The following PCDHA11 variants were observed in gnomAD, a reference collection of about 807,000 sequenced individuals.
PCDHA11 encodes the protein protocadherin alpha 11.
PCDHA11 carries 61 observed loss-of-function variants against 70.3 expected under a neutral mutation model. The ratio of observed to expected loss-of-function variants is 0.87; its 90% CI spans 0.71 to 1.07. The LOEUF (loss-of-function observed/expected upper bound fraction) is 1.07. Among genes scored for constraint, PCDHA11 ranks in the 50% least tolerant of loss-of-function variants. PCDHA11 has a pLI of 0.00. For synonymous variants in PCDHA11, 633 were observed against 555.1 expected (o/e 1.14, Z -1.97); for missense variants, 1,324 against 1,237.5 (o/e 1.07, Z -1.05).
intron 1 of PCDHA11, chr5:140,876,605 A>G: frequency 1.2e-6 from 2 of 1,614,060 alleles, no homozygotes; most frequent in South Asian, 1.1e-5. Flanking sequence ...TCGGATCGTG[A>G]CTCTGGAGCC....
chr5:140,884,549 G>A (rs782470468), intron 1 of PCDHA11: 3 of 1,614,016 alleles, frequency 1.9e-6, no homozygotes, highest in African/African-American at 1.3e-5. Context: ...GGTGTGCTCT[G>A]GGGAGGGCCC....
intron 1 of PCDHA11, among the ~76,000 whole-genome samples, chr5:140,953,994 A>G (rs1464982369): frequency 6.6e-6 from 1 of 151,886 alleles, no homozygotes; most frequent in Non-Finnish European, 1.5e-5. Flanking sequence ...TTTCATGTGT[A>G]CTCATCATTC....
At position 140,870,584 on chromosome 5, in the gene PCDHA11, T is replaced by C. The variant is rs782563992; in HGVS notation, c.1481T>C (p.Val494Ala). The C allele has an allele frequency of 2.5e-6, 4 of 1,613,672 alleles. No homozygotes were observed. In the African/African-American group the frequency reaches 5.3e-5, roughly 22 times the overall value. The change falls in exon 1 of 4, where the codon GTG (valine) becomes GCG (alanine). Residue 494 changes from valine (V) to alanine (A), a missense_variant. Coordinates refer to ENST00000398640, the MANE Select transcript of PCDHA11 (RefSeq NM_018902.5). ...AACGCGCTGGTGTCCTACTCGCTGG[T>C]GGAGCGGCGGTTGGGCGACCGCGCG... ...QENALVSYSL[V>A]ERRLGDRALS... is the part of the protein sequence containing the mutation.
chr5:140,894,138 T>A (rs1224822611), intron 1 of PCDHA11, among the ~76,000 whole-genome samples: 2 of 152,112 alleles, frequency 1.3e-5, no homozygotes, highest in Non-Finnish European at 2.9e-5. Flanking sequence ...TTGAAATAAT[T>A]CCCTTCTATG....
Position 141,010,230 on chromosome 5 carries a change from C to T in PCDHA11, c.*293C>T. The T allele has an allele frequency of 1.3e-6, 2 of 1,551,936 alleles. No homozygotes were observed. Among genetic ancestry groups the T allele is most frequent in the African/African-American group, 1.4e-5 (1 of 73,162 alleles). Reference sequence around the variant, plus strand: ...GCAAAGGAGAGGCTTCCCAGCCCCGCCAGTGAGAGGTTGGACTCTCTGCCC... The same window carrying T: ...GCAAAGGAGAGGCTTCCCAGCCCCGTCAGTGAGAGGTTGGACTCTCTGCCC... On this transcript the variant is annotated 3_prime_UTR_variant, in exon 4 of 4. Transcript: ENST00000398640.
chr5:140,934,004 T>G (rs556218652), intron 1 of PCDHA11, among the ~76,000 whole-genome samples: 1 of 152,204 alleles, frequency 6.6e-6, no homozygotes, highest in Non-Finnish European at 1.5e-5. Flanking sequence ...CCTCTCATTT[T>G]TCTTGACTAG....
intron 1 of PCDHA11, among the ~76,000 whole-genome samples, chr5:140,949,674 C>G (rs2153687219): frequency 6.6e-6 from 1 of 151,738 alleles, no homozygotes; most frequent in South Asian, 2.1e-4. Context: ...AAAGTATGCC[C>G]TTGTTGAAGC....
intron 1 of PCDHA11, among the ~76,000 whole-genome samples, chr5:140,935,686 C>T (rs943427521): frequency 3.3e-5 from 5 of 152,108 alleles, no homozygotes; most frequent in Non-Finnish European, 7.4e-5. Flanking sequence ...ATTTACATGG[C>T]TCCAAAATAA....
rs1587841717 is a variant in PCDHA11, at chr5:140,999,568, GA to G, written c.2540-10058del. On this transcript the variant is annotated intron_variant, in intron 3 of 3. Transcript: ENST00000398640. ...ATGAAGAGGGGGTATTTTGAGAAGA[GA>G]CTATAAAGGGAAATTGCCTTCCCTA... Among the ~76,000 whole-genome samples the G allele has an allele frequency of 2.0e-5, 3 of 152,084 alleles. No homozygotes were observed. In the South Asian group the frequency reaches 6.2e-4, roughly 32 times the overall value.
rs543216216 is a variant in PCDHA11, at chr5:140,917,329, G to A, written c.2391+45835G>A. 1.4e-4 allele frequency among the ~76,000 whole-genome samples: 20 copies of A among 144,014 alleles called. 2 individuals are homozygous for A. In the South Asian group the frequency reaches 2.0e-3, roughly 14 times the overall value. The allele number at this position is 144,014 out of a possible 152,430, so 94.5% of individuals were successfully genotyped here. ...ACAATTTGGTGTTCATGTGGCGGGG[G>A]AGGGGGGGGATGGTGTAGGCTTCTG... is the stretch of plus-strand genomic sequence containing the variant. On this transcript the variant is annotated intron_variant, in intron 1 of 3. Coordinates refer to ENST00000398640, the MANE Select transcript of PCDHA11 (RefSeq NM_018902.5).
intron 1 of PCDHA11, chr5:140,927,477 G>A: frequency 6.2e-7 from 1 of 1,614,118 alleles, no homozygotes; most frequent in Non-Finnish European, 8.5e-7. Flanking sequence ...ATCGCGAACA[G>A]CGCGCCACCC....
At chr5:140,978,770 A>G in intron 1 of PCDHA11, 179 bp from the exon 2 acceptor site, 3 of 956,466 alleles carry the variant, frequency 3.1e-6, no homozygotes, top group Non-Finnish European at 2.5e-6. Context: ...CTGATGAACT[A>G]ATTTTCTTCT....
At chr5:140,961,617 C>A (rs781986571) in intron 1 of PCDHA11, among the ~76,000 whole-genome samples, 47 of 152,204 alleles carry the variant, frequency 3.1e-4, no homozygotes, top group Middle Eastern at 3.4e-3. Context: ...AACTAAAGTG[C>A]CCATATGAAA....
At chr5:140,967,099 T>G in intron 1 of PCDHA11, 1 of 1,613,074 alleles carries the variant, frequency 6.2e-7, no homozygotes, top group Non-Finnish European at 8.5e-7. Context: ...AGGCGCTGTG[T>G]GAGCAGCGGC....
At chr5:141,005,548 A>G (rs970223535) in intron 3 of PCDHA11, among the ~76,000 whole-genome samples, 2 of 151,322 alleles carry the variant, frequency 1.3e-5, no homozygotes, top group African/African-American at 4.9e-5. Flanking sequence ...CTAAAAATAC[A>G]AAAATTAGCC....
At chr5:140,920,835 C>T (rs1253933771) in intron 1 of PCDHA11, among the ~76,000 whole-genome samples, 1 of 141,740 alleles carries the variant, frequency 7.1e-6, no homozygotes, top group Non-Finnish European at 1.5e-5. Flanking sequence ...GGAGCAAGAC[C>T]AAATCTAAAA....
intron 1 of PCDHA11, among the ~76,000 whole-genome samples, chr5:140,919,626 T>C (rs1554199177): frequency 6.6e-6 from 1 of 152,244 alleles, no homozygotes. Flanking sequence ...TTTTGAGTTA[T>C]TTTCACAGTA....
chr5:140,876,839 C>G, intron 1 of PCDHA11: 1 of 1,614,116 alleles, frequency 6.2e-7, no homozygotes, highest in Non-Finnish European at 8.5e-7. Flanking sequence ...CCTGCGTTCG[C>G]GCAGCCCGAG....
chr5:140,908,904 G>A (rs1467772032), intron 1 of PCDHA11, among the ~76,000 whole-genome samples: 2 of 152,194 alleles, frequency 1.3e-5, no homozygotes, highest in Non-Finnish European at 1.5e-5. Flanking sequence ...AGCCTCTTTC[G>A]TGGTTGTAGG....
Sources: allele counts gnomAD v4.1 joint callset (sites outside exome capture counted in the v4.1 genomes callset), GRCh38; gene constraint gnomAD v4.1.1; transcripts MANE v1.5; gene names NCBI Gene and HGNC (gene_info 2026-07-23, HGNC 2026-07-21).